Variants in DNAH5 observed in about 807,000 individuals in gnomAD.
DNAH5 encodes the protein dynein axonemal heavy chain 5.
DNAH5 carries 372 observed loss-of-function variants against 518.2 expected under a neutral mutation model. That is an observed-to-expected ratio of 0.72 (90% CI 0.66 to 0.78). The LOEUF (loss-of-function observed/expected upper bound fraction) is 0.78. DNAH5 is among the 30% of genes least tolerant of loss of function. The pLI is 0.00. For missense variants in DNAH5, 5,523 were observed against 5,687.0 expected, an observed-to-expected ratio of 0.97 and a Z score of 0.93; for synonymous variants, 2,039 against 2,025.9, an observed-to-expected ratio of 1.01 and a Z score of -0.17.
chr5:13,920,391 A>C, intron 6 of DNAH5, 89 bp downstream of exon 6: 1 of 1,561,382 alleles, frequency 6.4e-7, no homozygotes, highest in Non-Finnish European at 8.8e-7. Context: ...ACGCTTAACA[A>C]ATGGAATGTC....
intron 1 of DNAH5, among the ~76,000 whole-genome samples, chr5:13,959,703 C>T (rs1046132855): frequency 6.6e-6 from 1 of 152,200 alleles, no homozygotes; most frequent in Non-Finnish European, 1.5e-5. Flanking sequence ...TGTGGTGGCT[C>T]ACACCTGTAA....
In DNAH5 at chr5:13,762,900, T is replaced by C. The variant is rs1751979356; in HGVS notation, c.10103A>G (p.Gln3368Arg). 1.2e-6 allele frequency: 2 copies of C among 1,613,396 alleles called. No individual in the cohort carries two copies. The highest frequency in any genetic ancestry group is 1.1e-5 in the South Asian group (1 of 91,058). ...TTCATTGATTGTGTCTTTTGGGAATTGCTATGGAAGAAAAGAGTAAAATAA... is the reference window on the plus strand; with the variant it reads ...TTCATTGATTGTGTCTTTTGGGAATCGCTATGGAAGAAAAGAGTAAAATAA... ...TAGNFLQNLQQFPKDTINEEV... is the reference protein window; with the variant it reads ...TAGNFLQNLQRFPKDTINEEV... The change falls in exon 60 of 79, where the codon CAA becomes CGA. Residue 3368 changes from glutamine to arginine, a missense_variant and splice_region_variant. Gln to Arg is a conservative substitution (Grantham distance 43). Around this residue, in one of 3 missense-constraint regions of DNAH5, gnomAD observed 5,121 missense variants for 5,223.3 expected, o/e 0.98. Coordinates refer to ENST00000265104, the MANE Select transcript of DNAH5 (RefSeq NM_001369.3).
chr5:13,951,874 T>C (rs1262473602), intron 1 of DNAH5, among the ~76,000 whole-genome samples: 2 of 152,208 alleles, frequency 1.3e-5, no homozygotes, highest in African/African-American at 4.8e-5. Context: ...CCAGCAAACA[T>C]AAAAATTCTC....
At chr5:13,736,340 A>G (rs935716354) in intron 66 of DNAH5, among the ~76,000 whole-genome samples, 2 of 152,276 alleles carry the variant, frequency 1.3e-5, no homozygotes, top group African/African-American at 4.8e-5. Flanking sequence ...TCTGCAAAAC[A>G]AGCCATTGCA....
At chr5:14,004,824 G>T (rs998812075) in intron 1 of DNAH5, among the ~76,000 whole-genome samples, 1 of 152,138 alleles carries the variant, frequency 6.6e-6, no homozygotes, top group African/African-American at 2.4e-5. Context: ...CTGAGCTTTG[G>T]TTTAAACTGT....
chr5:13,839,487 C>A lies in DNAH5; in HGVS notation c.5751G>T (p.Leu1917=). ...HIKSPMDFEW[L]KQCRFYFNED... is the part of the protein sequence containing the mutation. ...CGTTAAAGTAAAATCTGCACTGTTT[C>A]AGCCACTCAAAGTCCATGGGACTCT... Residue 1917 remains leucine (L), a synonymous_variant, in exon 35 of 79, where the codon CTG becomes CTT. Coordinates refer to ENST00000265104, the MANE Select transcript of DNAH5 (RefSeq NM_001369.3). 1 of 1,614,078 alleles carries A rather than the reference C, an allele frequency of 6.2e-7. No homozygotes were observed.
intron 37 of DNAH5, 118 bp downstream of exon 37, chr5:13,829,908 G>T: frequency 2.2e-6 from 1 of 461,958 alleles, no homozygotes; most frequent in Non-Finnish European, 3.1e-6. Context: ...TTTTCAAAAG[G>T]AGGTAAAGTT....
intron 38 of DNAH5, among the ~76,000 whole-genome samples, chr5:13,828,094 G>A (rs1763140683): frequency 6.6e-6 from 1 of 152,200 alleles, no homozygotes; most frequent in Non-Finnish European, 1.5e-5. Context: ...GTGAGTAAGG[G>A]CTCCAATAAG....
chr5:13,703,606 C>T (rs1191656348), intron 76 of DNAH5, among the ~76,000 whole-genome samples: 2 of 152,200 alleles, frequency 1.3e-5, no homozygotes, highest in Non-Finnish European at 2.9e-5. Flanking sequence ...CATTTCATTC[C>T]TCTGCTCCCA....
intron 39 of DNAH5, among the ~76,000 whole-genome samples, 192 bp from the exon 40 acceptor site, chr5:13,823,562 G>A (rs1762504596): frequency 1.3e-5 from 2 of 152,006 alleles, no homozygotes; most frequent in South Asian, 4.2e-4. Context: ...AAATAAAGAG[G>A]AAAAGAACAG....
intron 70 of DNAH5, among the ~76,000 whole-genome samples, chr5:13,726,652 A>G (rs1181134257): frequency 6.6e-6 from 1 of 152,218 alleles, no homozygotes; most frequent in Non-Finnish European, 1.5e-5. Context: ...CCGAACTGTG[A>G]AACTCATTTT....
In DNAH5 at chr5:13,850,592, T is replaced by A. The variant is rs930144142; in HGVS notation, c.5114+60A>T. On this transcript the variant is annotated intron_variant, in intron 31 of 78. Coordinates refer to ENST00000265104, the MANE Select transcript of DNAH5 (RefSeq NM_001369.3). ...AACAAATTTGGCTAATGCTATCTAG[T>A]CTCCCTGTATCCTTTTGTCTCAAGG... 5 of 1,500,196 alleles carry A rather than the reference T, an allele frequency of 3.3e-6. No individual in the cohort carries two copies. In the African/African-American group the frequency reaches 6.9e-5, roughly 21 times the overall value. The allele number at this position is 1,500,196 out of a possible 1,614,324, so 92.9% of individuals were successfully genotyped here.
In DNAH5 at chr5:13,737,172, C is replaced by T. The variant is rs973775834; in HGVS notation, c.11455+80G>A. ...TGCATAATCATTTGTATAACTCCCT[C>T]ACATCCTTCCATTTCTCTAATTCTC... is the stretch of plus-strand genomic sequence containing the variant. On this transcript the variant is annotated intron_variant, in intron 66 of 78. Coordinates refer to ENST00000265104, the MANE Select transcript of DNAH5 (RefSeq NM_001369.3). The T allele has an allele frequency of 4.4e-6, 7 of 1,587,242 alleles. No homozygotes were observed. In the African/African-American group the frequency reaches 8.1e-5, roughly 18 times the overall value.
rs1048775539 is a variant in DNAH5 at position 13,784,440 on chromosome 5, T to C, written c.8820+1739A>G. 2.6e-5 allele frequency among the ~76,000 whole-genome samples: 4 copies of C among 152,098 alleles called. No homozygotes were observed. In the East Asian group the frequency reaches 5.8e-4, roughly 22 times the overall value. Reference sequence around the variant, plus strand: ...CCTCAGATTCTGAGAATCCACAGAGTTGCCAAGCCAAGTGCCCTCGTGCTG... The same window carrying C: ...CCTCAGATTCTGAGAATCCACAGAGCTGCCAAGCCAAGTGCCCTCGTGCTG... On this transcript the variant is annotated intron_variant, in intron 52 of 78. Transcript: ENST00000265104.
At chr5:13,697,006 CT>C (rs1741477806) in intron 78 of DNAH5, among the ~76,000 whole-genome samples, 1 of 152,104 alleles carries the variant, frequency 6.6e-6, no homozygotes, top group Admixed American at 6.6e-5. Flanking sequence ...AAAATTATTA[CT>C]TTATTACTAC....
intron 55 of DNAH5, among the ~76,000 whole-genome samples, chr5:13,773,794 C>T (rs1364435832): frequency 6.6e-6 from 1 of 151,642 alleles, no homozygotes; most frequent in Non-Finnish European, 1.5e-5. Context: ...TGGGGGGAAA[C>T]GGAGGGAAGC....
chr5:13,776,620 A>G lies in DNAH5; in HGVS notation c.9192T>C (p.Leu3064=), dbSNP rs1251504067. ...SVMKKEFPRC[L]PTNENLHDYF... Reference sequence around the variant, plus strand: ...AGTCGTGCAGGTTCTCATTGGTAGGAAGGCACCTGGGGAATTCTTTTTTCA... The same window carrying G: ...AGTCGTGCAGGTTCTCATTGGTAGGGAGGCACCTGGGGAATTCTTTTTTCA... Residue 3064 remains leucine, a synonymous_variant, in exon 55 of 79, where the codon CTT becomes CTC. Coordinates refer to ENST00000265104, the MANE Select transcript of DNAH5 (RefSeq NM_001369.3). The G allele has an allele frequency of 1.2e-6, 2 of 1,613,748 alleles. No homozygotes were observed. The highest frequency in any genetic ancestry group is 2.7e-5 in the African/African-American group (2 of 74,896).
At chr5:13,716,439 G>C in intron 74 of DNAH5, 48 bp downstream of exon 74, 1 of 1,383,956 alleles carries the variant, frequency 7.2e-7, no homozygotes, top group Non-Finnish European at 1.0e-6. Flanking sequence ...CAAAACTCAA[G>C]TGGCTACAGA....
intron 60 of DNAH5, among the ~76,000 whole-genome samples, chr5:13,759,905 C>T (rs1751542059): frequency 7.4e-6 from 1 of 135,862 alleles, no homozygotes; most frequent in South Asian, 2.6e-4. Context: ...AAATTATTTT[C>T]CTATCTCAAA....
Sources: allele counts gnomAD v4.1 joint callset (sites outside exome capture counted in the v4.1 genomes callset), GRCh38; gene constraint gnomAD v4.1.1; regional missense constraint gnomAD v4.1.1; transcripts MANE v1.5; gene names NCBI Gene and HGNC (gene_info 2026-07-23, HGNC 2026-07-21).